The following DIAPH2 variants were observed in gnomAD, a reference collection of about 807,000 sequenced individuals.
The protein encoded by DIAPH2 is protein diaphanous homolog 2.
DIAPH2 carries 35 observed loss-of-function variants against 92.7 expected under a neutral mutation model. The observed-to-expected ratio is 0.38, with a 90% CI of 0.29 to 0.50. The LOEUF (loss-of-function observed/expected upper bound fraction) is 0.50, where lower values mean the gene tolerates loss of function less well. Ranked by LOEUF, DIAPH2 falls within the 20% of genes least tolerant of loss-of-function variation. The pLI is 0.94. For synonymous variants in DIAPH2, 301 were observed against 280.4 expected (o/e 1.07, Z -0.73); for missense variants, 701 against 819.5 (o/e 0.86, Z 1.77).
intron 1 of DIAPH2, among the ~76,000 whole-genome samples, chrX:96,707,036 AG>A (rs1333652033): frequency 9.1e-6 from 1 of 110,310 alleles, no homozygotes; most frequent in African/African-American, 3.3e-5. Flanking sequence ...CGGTGACTCA[AG>A]CCTGTAATCC....
chrX:96,772,246 T>C (rs1472725701), intron 4 of DIAPH2, among the ~76,000 whole-genome samples: 2 of 112,108 alleles, frequency 1.8e-5, no homozygotes, highest in South Asian at 3.7e-4. Flanking sequence ...ATTTATGAAG[T>C]GTTTCAGAGT....
intron 22 of DIAPH2, among the ~76,000 whole-genome samples, chrX:97,173,727 G>A (rs756141969): frequency 4.5e-5 from 5 of 110,643 alleles, no homozygotes; most frequent in Non-Finnish European, 9.4e-5. Flanking sequence ...GCAACATGGC[G>A]AAATGCCATA....
chrX:97,243,369 C>G (rs751959337), intron 22 of DIAPH2, among the ~76,000 whole-genome samples: 1 of 109,253 alleles, frequency 9.2e-6, no homozygotes, highest in Non-Finnish European at 1.9e-5. Flanking sequence ...TAAGCTCTAA[C>G]TTAGGCTATG....
chrX:97,262,560 A>G (rs1266591220), intron 23 of DIAPH2, among the ~76,000 whole-genome samples: 2 of 112,240 alleles, frequency 1.8e-5, no homozygotes, highest in African/African-American at 6.5e-5. Context: ...AATTGAAAAG[A>G]GATAATGACA....
At chrX:97,522,360 T>A (rs2070997272) in intron 26 of DIAPH2, among the ~76,000 whole-genome samples, 1 of 112,043 alleles carries the variant, frequency 8.9e-6, no homozygotes, top group Non-Finnish European at 1.9e-5. Flanking sequence ...TTGCCCAGCC[T>A]GGTCTCAAAC....
chrX:97,176,132 G>A lies in DIAPH2; in HGVS notation c.2719+34338G>A, dbSNP rs192266875. Reference sequence around the variant, plus strand: ...TAGAGAATGAAAATAAAAGTGAGAAGTCTTTTCTTTAGCTACTTCTACCAT... The same window carrying A: ...TAGAGAATGAAAATAAAAGTGAGAAATCTTTTCTTTAGCTACTTCTACCAT... On this transcript the variant is annotated intron_variant, in intron 22 of 26. Transcript: ENST00000324765. 2.0e-3 allele frequency among the ~76,000 whole-genome samples: 229 copies of A among 111,916 alleles called. 3 individuals are homozygous for A. Among genetic ancestry groups the A allele is most frequent in the African/African-American group, 7.1e-3 (220 of 30,844 alleles).
chrX:97,229,195 TTAGTCA>T (rs1347620524), intron 22 of DIAPH2, among the ~76,000 whole-genome samples: 1 of 112,633 alleles, frequency 8.9e-6, no homozygotes, highest in African/African-American at 3.2e-5. Context: ...GTTCAGGATG[TTAGTCA>T]TATTCATTAG....
intron 23 of DIAPH2, among the ~76,000 whole-genome samples, chrX:97,283,326 A>C (rs910286212): frequency 9.0e-5 from 10 of 111,686 alleles, no homozygotes; most frequent in Admixed American, 4.8e-4. Context: ...TTATCCTAGG[A>C]TATAACCACT....
At chrX:97,160,561 T>C (rs965966899) in intron 22 of DIAPH2, among the ~76,000 whole-genome samples, 1 of 112,300 alleles carries the variant, frequency 8.9e-6, no homozygotes, top group African/African-American at 3.2e-5. Context: ...TTTCTCTGGC[T>C]GCCCAGTATC....
chrX:97,296,847 G>A (rs1410905477), intron 23 of DIAPH2, among the ~76,000 whole-genome samples: 2 of 107,411 alleles, frequency 1.9e-5, no homozygotes, highest in African/African-American at 6.8e-5. Context: ...GCATGATCGC[G>A]GCTCACCGCA....
intron 21 of DIAPH2, among the ~76,000 whole-genome samples, chrX:97,129,127 T>TTTTCTTTCTTTTCTTTTCTTTTC (rs1423109695): frequency 1.2e-5 from 1 of 80,533 alleles, no homozygotes; most frequent in African/African-American, 5.2e-5. Context: ...TTTTCTTTTC[T>TTTTCTTTCTTTTCTTTTCTTTTC]TTTCTTTTCT....
At chrX:96,796,499 A>G (rs899853460) in intron 4 of DIAPH2, among the ~76,000 whole-genome samples, 1 of 111,583 alleles carries the variant, frequency 9.0e-6, no homozygotes, top group Admixed American at 9.5e-5. Context: ...TTTCTATCCT[A>G]TCTGTCCTTT....
intron 23 of DIAPH2, among the ~76,000 whole-genome samples, chrX:97,306,580 A>C (rs1484629692): frequency 9.0e-6 from 1 of 111,606 alleles, no homozygotes; most frequent in Non-Finnish European, 1.9e-5. Flanking sequence ...CAATACTGCC[A>C]GGTATCCTGG....
chrX:97,294,417 T>A (rs1366038775), intron 23 of DIAPH2, among the ~76,000 whole-genome samples: 1 of 112,458 alleles, frequency 8.9e-6, no homozygotes, highest in Non-Finnish European at 1.9e-5. Context: ...CTGTATTGAA[T>A]AACATTTTGT....
chrX:97,433,355 T>C lies in DIAPH2; in HGVS notation c.3241+3610T>C, dbSNP rs184955284. On this transcript the variant is annotated intron_variant, in intron 26 of 26. Transcript: ENST00000324765. The stretch of plus-strand genomic sequence containing the variant: ...GCAAAACCCCATCTCTACAAAAAAA[T>C]ACAAAAAAAAATTAGCCAAGCATGG... 7.4e-4 allele frequency among the ~76,000 whole-genome samples: 80 copies of C among 108,436 alleles called. No homozygotes were observed. The East Asian group carries it at 0.021, about 28-fold the overall frequency. The allele number at this position is 108,436 out of a possible 115,157, so 94.2% of individuals were successfully genotyped here.
intron 26 of DIAPH2, among the ~76,000 whole-genome samples, chrX:97,576,034 T>C (rs952934972): frequency 1.8e-5 from 2 of 111,340 alleles, no homozygotes; most frequent in African/African-American, 6.5e-5. Flanking sequence ...TCTCCCATAC[T>C]AGCCTTGCAG....
intron 26 of DIAPH2, among the ~76,000 whole-genome samples, chrX:97,583,247 G>C (rs150386360): frequency 4.6e-5 from 5 of 107,656 alleles, no homozygotes. Context: ...GAGGAGAGGC[G>C]CTCTGATTTT....
At chrX:96,962,394 C>CATATAT (rs1411701352) in intron 16 of DIAPH2, among the ~76,000 whole-genome samples, 1 of 55,604 alleles carries the variant, frequency 1.8e-5, no homozygotes, top group Non-Finnish European at 3.1e-5. Flanking sequence ...TATATATACA[C>CATATAT]ATATATATAC....
At chrX:97,359,131 G>A (rs1166859192) in intron 24 of DIAPH2, among the ~76,000 whole-genome samples, 2 of 110,923 alleles carry the variant, frequency 1.8e-5, no homozygotes, top group Admixed American at 9.6e-5. Flanking sequence ...TAAAGAGATC[G>A]GTAGAATCTT....
Sources: allele counts gnomAD v4.1 joint callset (sites outside exome capture counted in the v4.1 genomes callset), GRCh38; gene constraint gnomAD v4.1.1; transcripts MANE v1.5; gene names NCBI Gene and HGNC (gene_info 2026-07-23, HGNC 2026-07-21).